Variants in PRKG1 observed in about 807,000 individuals in gnomAD.
PRKG1 encodes the protein protein kinase cGMP-dependent 1, also known as cGMP-dependent protein kinase 1.
A neutral mutation model predicts 88.1 loss-of-function variants in PRKG1; 35 were observed. That is an observed-to-expected ratio of 0.40 (90% CI 0.30 to 0.53). The LOEUF (loss-of-function observed/expected upper bound fraction) is 0.53. Among genes scored for constraint, PRKG1 ranks in the 20% least tolerant of loss-of-function variants. PRKG1 has a pLI of 0.59. For missense variants in PRKG1, 540 were observed against 839.8 expected, an observed-to-expected ratio of 0.64 and a Z score of 4.41; for synonymous variants, 303 against 292.5, an observed-to-expected ratio of 1.04 and a Z score of -0.37.
chr10:51,477,442 C>T (rs1036305900), intron 3 of PRKG1, among the ~76,000 whole-genome samples: 2 of 151,522 alleles, frequency 1.3e-5, no homozygotes, highest in South Asian at 4.2e-4. Context: ...AAGAATAGTT[C>T]CGAGCATTTG....
intron 2 of PRKG1, among the ~76,000 whole-genome samples, chr10:51,359,011 T>A (rs561534100): frequency 6.6e-6 from 1 of 151,628 alleles, no homozygotes; most frequent in South Asian, 2.1e-4. Flanking sequence ...CTAATTTAGA[T>A]CTGTTGAAAT....
chr10:51,512,272 C>A (rs1318491078), intron 3 of PRKG1, among the ~76,000 whole-genome samples: 2 of 147,800 alleles, frequency 1.4e-5, no homozygotes, highest in Non-Finnish European at 3.0e-5. Context: ...TATACATGTG[C>A]CATGCTGGTG....
At chr10:51,924,540 G>T (rs1222196810) in intron 5 of PRKG1, among the ~76,000 whole-genome samples, 1 of 151,914 alleles carries the variant, frequency 6.6e-6, no homozygotes, top group Non-Finnish European at 1.5e-5. Flanking sequence ...TATTCTGTTT[G>T]ATATTCTCTG....
chr10:51,147,755 C>T (rs1463156460), intron 1 of PRKG1, among the ~76,000 whole-genome samples: 1 of 152,134 alleles, frequency 6.6e-6, no homozygotes, highest in Non-Finnish European at 1.5e-5. Flanking sequence ...AATTATAGGT[C>T]TGAATTTGGC....
chr10:52,227,070 T>C (rs946247530), intron 9 of PRKG1, among the ~76,000 whole-genome samples: 1 of 152,152 alleles, frequency 6.6e-6, no homozygotes. Context: ...AGGAATGAGG[T>C]GTTGTTTGAT....
intron 9 of PRKG1, among the ~76,000 whole-genome samples, chr10:52,170,529 A>G (rs1420382037): frequency 1.3e-5 from 2 of 152,210 alleles, no homozygotes; most frequent in African/African-American, 4.8e-5. Flanking sequence ...TTGCCACTAA[A>G]AAAAGAAGTA....
At chr10:51,989,681 A>G (rs1369958124) in intron 5 of PRKG1, among the ~76,000 whole-genome samples, 1 of 152,142 alleles carries the variant, frequency 6.6e-6, no homozygotes, top group East Asian at 1.9e-4. Context: ...TTCATTGAGC[A>G]GCATAGATGT....
intron 3 of PRKG1, among the ~76,000 whole-genome samples, chr10:51,739,690 A>T (rs117205684): frequency 6.6e-6 from 1 of 152,048 alleles, no homozygotes; most frequent in African/African-American, 2.4e-5. Flanking sequence ...AAAAACCACT[A>T]GGCCAGGCGT....
At chr10:51,728,360 T>C (rs1037072484) in intron 3 of PRKG1, among the ~76,000 whole-genome samples, 4 of 151,976 alleles carry the variant, frequency 2.6e-5, no homozygotes, top group African/African-American at 9.7e-5. Context: ...ATGCTTCACA[T>C]TTTGTCTTGA....
intron 2 of PRKG1, among the ~76,000 whole-genome samples, chr10:51,449,279 G>A (rs780166567): frequency 8.0e-4 from 121 of 151,756 alleles, no homozygotes; most frequent in South Asian, 2.3e-3. Context: ...AGTTCCTTTC[G>A]TGTTTACTCA....
intron 9 of PRKG1, among the ~76,000 whole-genome samples, chr10:52,190,814 C>T (rs1015347022): frequency 2.6e-5 from 4 of 151,966 alleles, no homozygotes; most frequent in Non-Finnish European, 5.9e-5. Flanking sequence ...CAACATTTAC[C>T]AACCTTTTGC....
intron 3 of PRKG1, among the ~76,000 whole-genome samples, chr10:51,563,599 G>A (rs1157806062): frequency 6.7e-6 from 1 of 149,896 alleles, no homozygotes; most frequent in South Asian, 2.1e-4. Context: ...TGTAACAACA[G>A]CAACAGAACG....
chr10:52,133,765 C>T, intron 7 of PRKG1, 75 bp from the exon 8 acceptor site: 1 of 1,260,098 alleles, frequency 7.9e-7, no homozygotes, highest in East Asian at 2.4e-5. Flanking sequence ...AAATTTTTTC[C>T]TGAATTAATC....
intron 2 of PRKG1, among the ~76,000 whole-genome samples, chr10:51,211,325 A>G (rs1838212900): frequency 6.6e-6 from 1 of 152,200 alleles, no homozygotes; most frequent in Non-Finnish European, 1.5e-5. Context: ...TCAAAATAGT[A>G]AGAGCTATCT....
chr10:51,766,572 G>A (rs528941349), intron 3 of PRKG1, among the ~76,000 whole-genome samples: 154 of 152,098 alleles, frequency 1.0e-3, no homozygotes, highest in Non-Finnish European at 1.6e-3. Context: ...TTTTACTGAG[G>A]ACCCACACTA....
intron 1 of PRKG1, among the ~76,000 whole-genome samples, chr10:51,102,852 A>G (rs1174830881): frequency 1.3e-5 from 2 of 152,176 alleles, no homozygotes; most frequent in African/African-American, 4.8e-5. Flanking sequence ...ATACACACAC[A>G]CAGAGACAGA....
chr10:51,817,476 G>T (rs1011974502), intron 4 of PRKG1, among the ~76,000 whole-genome samples: 1 of 151,196 alleles, frequency 6.6e-6, no homozygotes, highest in Non-Finnish European at 1.5e-5. Context: ...ATGTTAGTTT[G>T]CTGAGAATGA....
intron 1 of PRKG1, among the ~76,000 whole-genome samples, chr10:51,137,691 C>G (rs77755704): frequency 6.6e-6 from 1 of 152,168 alleles, no homozygotes; most frequent in East Asian, 1.9e-4. Flanking sequence ...GTAATCATCA[C>G]AAATCCCATT....
At chr10:51,666,712 A>G (rs771603681) in intron 3 of PRKG1, among the ~76,000 whole-genome samples, 43 of 152,206 alleles carry the variant, frequency 2.8e-4, no homozygotes, top group Admixed American at 4.6e-4. Context: ...CACAAGGTTC[A>G]TGGTTCCTTG....
Sources: gnomAD v4.1 joint callset for allele counts (sites outside exome capture counted in the v4.1 genomes callset) on GRCh38, gnomAD v4.1.1 for gene constraint, MANE v1.5 for transcripts, NCBI Gene and HGNC (gene_info 2026-07-23, HGNC 2026-07-21) for gene names.